The following SGCZ variants were observed in gnomAD, a reference collection of about 807,000 sequenced individuals.
The protein encoded by SGCZ is sarcoglycan zeta.
SGCZ carries 40 observed loss-of-function variants against 41.3 expected under a neutral mutation model. The ratio of observed to expected loss-of-function variants is 0.97; its 90% CI spans 0.75 to 1.26. SGCZ has a LOEUF of 1.26. SGCZ is among the 50% of genes most tolerant of loss of function. The pLI, the probability that SGCZ is intolerant of heterozygous loss-of-function variation, is 0.00. For missense variants in SGCZ, 552 were observed against 369.8 expected, an observed-to-expected ratio of 1.49 and a Z score of -4.04; for synonymous variants, 206 against 137.5, an observed-to-expected ratio of 1.50 and a Z score of -3.49.
At chr8:14,129,007 C>A (rs542892015) in intron 5 of SGCZ, among the ~76,000 whole-genome samples, 2 of 151,868 alleles carry the variant, frequency 1.3e-5, no homozygotes, top group African/African-American at 2.4e-5. Flanking sequence ...TATATGAGTA[C>A]GCTAAAAGCC....
chr8:15,237,481 G>T, intron 1 of SGCZ, 104 bp downstream of exon 1: 2 of 1,379,736 alleles, frequency 1.4e-6, no homozygotes, highest in Admixed American at 2.0e-5. Context: ...GTCGTCCCGC[G>T]GGACCACCAA....
At chr8:14,694,891 T>C (rs1808907543) in intron 1 of SGCZ, among the ~76,000 whole-genome samples, 1 of 152,116 alleles carries the variant, frequency 6.6e-6, no homozygotes, top group Non-Finnish European at 1.5e-5. Flanking sequence ...TCCCAAATGA[T>C]TCAAAAGCAA....
intron 1 of SGCZ, among the ~76,000 whole-genome samples, chr8:14,743,801 A>C (rs531633607): frequency 5.3e-5 from 8 of 152,232 alleles, no homozygotes; most frequent in South Asian, 4.1e-4. Flanking sequence ...AAAGAAGATA[A>C]TTCAAAATTA....
chr8:14,265,961 A>G (rs972489524), intron 3 of SGCZ, among the ~76,000 whole-genome samples: 3 of 152,046 alleles, frequency 2.0e-5, no homozygotes, highest in African/African-American at 7.2e-5. Flanking sequence ...GAACAAAGAA[A>G]GTCTAGAGGA....
intron 1 of SGCZ, among the ~76,000 whole-genome samples, chr8:15,080,890 C>A (rs956410844): frequency 6.6e-6 from 1 of 152,056 alleles, no homozygotes. Flanking sequence ...CCGCGCCTGG[C>A]TCTGGTTGAT....
At chr8:14,876,754 G>A (rs548746153) in intron 1 of SGCZ, among the ~76,000 whole-genome samples, 5 of 152,208 alleles carry the variant, frequency 3.3e-5, no homozygotes, top group South Asian at 2.1e-4. Flanking sequence ...AGAGGCAAGA[G>A]GAAATATCAA....
intron 1 of SGCZ, among the ~76,000 whole-genome samples, chr8:14,984,799 A>G (rs1240076415): frequency 6.6e-6 from 1 of 152,102 alleles, no homozygotes; most frequent in Non-Finnish European, 1.5e-5. Context: ...GTATATTTAT[A>G]TTTTTAGTTT....
chr8:14,577,573 A>C (rs764004532), intron 1 of SGCZ, among the ~76,000 whole-genome samples: 1 of 151,946 alleles, frequency 6.6e-6, no homozygotes, highest in Non-Finnish European at 1.5e-5. Context: ...GTTTTAGTAG[A>C]GACAGTGTTT....
intron 4 of SGCZ, among the ~76,000 whole-genome samples, chr8:14,223,932 C>G (rs1806288406): frequency 6.6e-6 from 1 of 152,134 alleles, no homozygotes. Flanking sequence ...TATCCCATCT[C>G]AATCATCAAC....
chr8:14,313,231 T>C (rs997594057), intron 3 of SGCZ, among the ~76,000 whole-genome samples: 9 of 152,216 alleles, frequency 5.9e-5, no homozygotes, highest in Admixed American at 1.3e-4. Context: ...AAGTACTTAA[T>C]AATTGGTAGT....
intron 6 of SGCZ, among the ~76,000 whole-genome samples, chr8:14,107,157 G>A (rs1315917587): frequency 1.3e-5 from 2 of 151,782 alleles, no homozygotes; most frequent in East Asian, 1.9e-4. Flanking sequence ...CGGAGCTTGA[G>A]GTGAGTCGAG....
intron 1 of SGCZ, among the ~76,000 whole-genome samples, chr8:14,871,909 T>C (rs1221077101): frequency 6.6e-6 from 1 of 151,068 alleles, no homozygotes; most frequent in Non-Finnish European, 1.5e-5. Flanking sequence ...TGTATGTATG[T>C]ATATATATGT....
At chr8:14,660,797 A>G (rs1344709192) in intron 1 of SGCZ, among the ~76,000 whole-genome samples, 1 of 152,074 alleles carries the variant, frequency 6.6e-6, no homozygotes, top group Non-Finnish European at 1.5e-5. Context: ...CCATACAGTA[A>G]ACATGAAGAG....
At chr8:14,358,666 C>T (rs978630773) in intron 2 of SGCZ, among the ~76,000 whole-genome samples, 3 of 152,048 alleles carry the variant, frequency 2.0e-5, no homozygotes, top group African/African-American at 7.2e-5. Context: ...GGCTGGAGTG[C>T]AGTGGTGTGA....
chr8:14,421,595 A>T (rs1799638551), intron 2 of SGCZ, among the ~76,000 whole-genome samples: 1 of 152,104 alleles, frequency 6.6e-6, no homozygotes, highest in Non-Finnish European at 1.5e-5. Context: ...GAATGCTGAG[A>T]AAAATATGAA....
chr8:14,436,025 G>A (rs189304487), intron 2 of SGCZ, among the ~76,000 whole-genome samples: 1 of 152,220 alleles, frequency 6.6e-6, no homozygotes, highest in African/African-American at 2.4e-5. Flanking sequence ...TTACTAAGCA[G>A]GTATTATTTC....
intron 1 of SGCZ, among the ~76,000 whole-genome samples, chr8:14,705,490 A>T (rs774654915): frequency 6.6e-6 from 1 of 152,006 alleles, no homozygotes; most frequent in Non-Finnish European, 1.5e-5. Flanking sequence ...ATATAAGAAA[A>T]ATAGAGTATT....
At chr8:14,543,451 C>A (rs187311271) in intron 2 of SGCZ, among the ~76,000 whole-genome samples, 32 of 152,150 alleles carry the variant, frequency 2.1e-4, no homozygotes, top group African/African-American at 7.0e-4. Flanking sequence ...AAAATGAAGT[C>A]TAGACAGCCT....
intron 5 of SGCZ, among the ~76,000 whole-genome samples, chr8:14,139,177 G>A (rs1034303201): frequency 6.6e-6 from 1 of 152,154 alleles, no homozygotes; most frequent in Admixed American, 6.5e-5. Flanking sequence ...CAGAATCACT[G>A]GGACACATTT....
Sources: gnomAD v4.1 joint callset for allele counts (sites outside exome capture counted in the v4.1 genomes callset) on GRCh38, gnomAD v4.1.1 for gene constraint, MANE v1.5 for transcripts, NCBI Gene and HGNC (gene_info 2026-07-23, HGNC 2026-07-21) for gene names.